SOX6: variants seen among roughly 807,000 people sequenced by gnomAD.
SOX6 encodes SRY-box transcription factor 6.
SOX6 carries 11 observed loss-of-function variants against 97.8 expected under a neutral mutation model. That is an observed-to-expected ratio of 0.11 (90% CI 0.07 to 0.19). SOX6 has a LOEUF of 0.19. Ranked by LOEUF, SOX6 falls within the 10% of genes least tolerant of loss-of-function variation. SOX6 has a pLI of 1.00. For missense variants in SOX6, 810 were observed against 1,039.5 expected (o/e 0.78, Z 3.04); for synonymous variants, 360 against 371.4 (o/e 0.97, Z 0.35).
chr11:16,046,421 G>A, intron 12 of SOX6, 93 bp downstream of exon 12: 1 of 1,379,724 alleles, frequency 7.2e-7, no homozygotes, highest in Non-Finnish European at 1.0e-6. Flanking sequence ...CCAAATCTAT[G>A]GCTGCAGGTT....
At chr11:16,259,530 G>A (rs1295601968) in intron 3 of SOX6, among the ~76,000 whole-genome samples, 2 of 152,074 alleles carry the variant, frequency 1.3e-5, no homozygotes. Flanking sequence ...TGAATTTATT[G>A]TGAAGCTACA....
chr11:16,015,226 G>GATCTA, intron 12 of SOX6, 176 bp from the exon 13 acceptor site: 4 of 649,536 alleles, frequency 6.2e-6, no homozygotes, highest in Admixed American at 4.6e-5. Context: ...GACATGGACA[G>GATCTA]CACTGACAGC....
chr11:16,669,454 C>T (rs956936018), intron 3 of SOX6, among the ~76,000 whole-genome samples: 3 of 152,242 alleles, frequency 2.0e-5, no homozygotes, highest in African/African-American at 4.8e-5. Flanking sequence ...CCCCAGCATA[C>T]TGCAGCAGCC....
chr11:16,565,004 TA>T (rs1847853835), intron 4 of SOX6, among the ~76,000 whole-genome samples: 1 of 151,742 alleles, frequency 6.6e-6, no homozygotes, highest in Admixed American at 6.6e-5. Flanking sequence ...AATAGAAAAG[TA>T]AACAAAACAA....
intron 3 of SOX6, among the ~76,000 whole-genome samples, chr11:16,271,363 G>A (rs991027251): frequency 9.9e-5 from 15 of 151,264 alleles, no homozygotes; most frequent in Admixed American, 5.3e-4. Context: ...TAGGTATAAC[G>A]TTATAGTTAC....
intron 2 of SOX6, among the ~76,000 whole-genome samples, chr11:16,339,170 T>G (rs1026730809): frequency 1.3e-5 from 2 of 152,024 alleles, no homozygotes; most frequent in Non-Finnish European, 2.9e-5. Flanking sequence ...CTTTCACTCT[T>G]GTCTCTCTCC....
chr11:16,399,108 T>C (rs924037149), intron 1 of SOX6, among the ~76,000 whole-genome samples: 8 of 151,284 alleles, frequency 5.3e-5, no homozygotes, highest in African/African-American at 1.7e-4. Flanking sequence ...CTAAATCTCT[T>C]AACTTTTCTG....
At chr11:16,553,693 G>A (rs1048198058) in intron 4 of SOX6, among the ~76,000 whole-genome samples, 1 of 151,826 alleles carries the variant, frequency 6.6e-6, no homozygotes, top group African/African-American at 2.4e-5. Context: ...TTGATACTAG[G>A]ACCATCTAAC....
chr11:16,132,444 A>AGAAAGAAAAAGAAAG (rs1554934020), intron 6 of SOX6, among the ~76,000 whole-genome samples: 1 of 27,230 alleles, frequency 3.7e-5, no homozygotes, highest in African/African-American at 1.7e-4. Flanking sequence ...AAAGAAAGAA[A>AGAAAGAAAAAGAAAG]AAAGAAAGAA....
rs985287957 is a variant in SOX6, at chr11:15,969,710, C to T, written c.*3099G>A. 6.6e-6 allele frequency: 1 copy of T among 152,162 alleles called. No homozygotes were observed. Among genetic ancestry groups the T allele is most frequent in the African/African-American group, 2.4e-5 (1 of 41,440 alleles). The allele number at this position is 152,162 out of a possible 1,614,324, so 9.4% of individuals were successfully genotyped here. ...AAATTCTATTTCTATGTTATATTTA[C>T]ACAATTAGAAAAATCTAAAATGAGA... On this transcript the variant is annotated 3_prime_UTR_variant, in exon 16 of 16. Transcript: ENST00000683767.
intron 2 of SOX6, among the ~76,000 whole-genome samples, chr11:16,717,173 G>A (rs1848225216): frequency 6.6e-6 from 1 of 152,070 alleles, no homozygotes; most frequent in South Asian, 2.1e-4. Flanking sequence ...TTTAAATGTG[G>A]TTTTATCCTT....
At chr11:16,638,323 G>T (rs1848827221) in intron 3 of SOX6, among the ~76,000 whole-genome samples, 2 of 152,086 alleles carry the variant, frequency 1.3e-5, no homozygotes, top group Admixed American at 1.3e-4. Context: ...CATTTGGGTT[G>T]GTTCCAATTC....
intron 4 of SOX6, among the ~76,000 whole-genome samples, chr11:16,187,448 C>A (rs984114351): frequency 6.6e-6 from 1 of 152,092 alleles, no homozygotes; most frequent in Non-Finnish European, 1.5e-5. Flanking sequence ...AGATATGTCA[C>A]TGAAGTTTAG....
chr11:16,123,042 T>A (rs1244240261), intron 6 of SOX6, among the ~76,000 whole-genome samples: 2 of 152,018 alleles, frequency 1.3e-5, no homozygotes, highest in African/African-American at 4.8e-5. Flanking sequence ...AATTTCAAGA[T>A]TTTTTAATGG....
intron 1 of SOX6, among the ~76,000 whole-genome samples, chr11:16,455,536 C>T (rs565637811): frequency 3.9e-5 from 6 of 152,154 alleles, no homozygotes; most frequent in African/African-American, 1.2e-4. Flanking sequence ...TTGAAAATAA[C>T]TCCTTTGCAA....
At chr11:16,466,823 T>A (rs1174920086) in intron 1 of SOX6, among the ~76,000 whole-genome samples, 1 of 142,268 alleles carries the variant, frequency 7.0e-6, no homozygotes, top group Non-Finnish European at 1.5e-5. Flanking sequence ...CCCAGCTACT[T>A]GGGAGGCTGA....
rs141905893 is a variant in SOX6, at chr11:16,333,307, A to G, written c.237+7705T>C. 5.3e-5 allele frequency among the ~76,000 whole-genome samples: 8 copies of G among 152,272 alleles called. No individual in the cohort carries two copies. In the South Asian group the frequency reaches 8.3e-4, roughly 16 times the overall value. On this transcript the variant is annotated intron_variant, in intron 2 of 15. Transcript: ENST00000683767. ...CAATAAGTTCAAATTAGTCATATAAACAACTGCATTCTATACAATATAAAC... is the reference window on the plus strand; with the variant it reads ...CAATAAGTTCAAATTAGTCATATAAGCAACTGCATTCTATACAATATAAAC...
chr11:16,386,593 A>G (rs1338436946), intron 1 of SOX6, among the ~76,000 whole-genome samples: 1 of 152,010 alleles, frequency 6.6e-6, no homozygotes, highest in Non-Finnish European at 1.5e-5. Flanking sequence ...TCTCTAAATC[A>G]TCTTCCCTGA....
intron 1 of SOX6, among the ~76,000 whole-genome samples, chr11:16,371,840 T>C (rs1857501201): frequency 6.6e-6 from 1 of 152,134 alleles, no homozygotes; most frequent in African/African-American, 2.4e-5. Flanking sequence ...TGGCATCATA[T>C]CGGCACTCAA....
Sources: gnomAD v4.1 joint callset for allele counts (sites outside exome capture counted in the v4.1 genomes callset) on GRCh38, gnomAD v4.1.1 for gene constraint, MANE v1.5 for transcripts, NCBI Gene and HGNC (gene_info 2026-07-23, HGNC 2026-07-21) for gene names.